Variants in GABRA5 observed in about 807,000 individuals in gnomAD.
GABRA5 encodes gamma-aminobutyric acid receptor subunit alpha-5.
Under a neutral mutation model 47.3 loss-of-function variants are expected in GABRA5, and 18 were observed. The observed-to-expected ratio is 0.38, with a 90% CI of 0.26 to 0.56. GABRA5 has a LOEUF of 0.56. Ranked by LOEUF, GABRA5 falls within the 20% of genes least tolerant of loss-of-function variation. The pLI is 0.71. For synonymous variants in GABRA5, 237 were observed against 229.3 expected, an observed-to-expected ratio of 1.03 and a Z score of -0.30; for missense variants, 365 against 599.3, an observed-to-expected ratio of 0.61 and a Z score of 4.08.
Position 26,880,865 on chromosome 15 carries a change from A to C in GABRA5, c.106A>C (p.Ser36Arg), listed in dbSNP as rs1248394915. 6.2e-7 allele frequency: 1 copy of C among 1,613,808 alleles called. No homozygotes were observed. The highest frequency in any genetic ancestry group is 1.3e-5 in the African/African-American group (1 of 74,930). The change falls in exon 4 of 11, where the codon AGT becomes CGT. Residue 36 changes from serine to arginine, a missense_variant. This residue lies in a region of GABRA5 where 216 missense variants were observed against 335.3 expected (regional missense o/e 0.64). Coordinates refer to ENST00000335625, the MANE Select transcript of GABRA5 (RefSeq NM_000810.4). Reference sequence around the variant, plus strand: ...TAAAAGCTTTTCACAGATGCCAACCAGTTCAGTGAAAGATGAGACCAATGA... The same window carrying C: ...TAAAAGCTTTTCACAGATGCCAACCCGTTCAGTGAAAGATGAGACCAATGA... ...SHFGFSQMPT[S>R]SVKDETNDNI...
chr15:26,930,983 C>G (rs1172721514), intron 7 of GABRA5, among the ~76,000 whole-genome samples: 1 of 149,998 alleles, frequency 6.7e-6, no homozygotes, highest in African/African-American at 2.5e-5. Context: ...GCAACCTCCA[C>G]CTCCCAGGTT....
At chr15:26,917,138 C>T (rs1368755389) in intron 7 of GABRA5, among the ~76,000 whole-genome samples, 1 of 151,976 alleles carries the variant, frequency 6.6e-6, no homozygotes, top group Non-Finnish European at 1.5e-5. Flanking sequence ...GGGTGGGTAT[C>T]TTTGCTTTGT....
At chr15:26,921,851 A>T (rs371141027) in intron 7 of GABRA5, among the ~76,000 whole-genome samples, 4 of 151,934 alleles carry the variant, frequency 2.6e-5, no homozygotes, top group African/African-American at 7.3e-5. Flanking sequence ...CCTTTGACCC[A>T]CGTATTATTT....
chr15:26,948,135 A>T lies in GABRA5; in HGVS notation c.1291A>T (p.Ile431Phe), dbSNP rs770907691. Residue 431 changes from isoleucine (I) to phenylalanine (F), a missense_variant, in exon 11 of 11, where the codon ATC becomes TTC. By Grantham distance (21) the Ile-to-Phe change is conservative. This residue lies in a region of GABRA5 where 106 missense variants were observed against 130.3 expected (regional missense o/e 0.81). Coordinates refer to ENST00000335625, the MANE Select transcript of GABRA5 (RefSeq NM_000810.4). ...SISKIDKMSR[I>F]VFPVLFGTFN... ...CAGCAAAATTGACAAAATGTCCCGA[A>T]TCGTATTCCCAGTCTTGTTCGGCAC... 1 of 1,613,738 alleles carries T rather than the reference A, an allele frequency of 6.2e-7. No individual in the cohort carries two copies. The highest frequency in any genetic ancestry group is 8.5e-7 in the Non-Finnish European group (1 of 1,179,778).
At chr15:26,942,429 G>A (rs531689904) in intron 9 of GABRA5, among the ~76,000 whole-genome samples, 2 of 152,326 alleles carry the variant, frequency 1.3e-5, no homozygotes, top group South Asian at 4.1e-4. Context: ...ATTTAGATAT[G>A]GCGCTTCTGT....
chr15:26,901,256 C>A (rs1893319493), intron 6 of GABRA5, among the ~76,000 whole-genome samples: 1 of 152,126 alleles, frequency 6.6e-6, no homozygotes. Context: ...AGTAGCTGAA[C>A]CAATTTGCAT....
chr15:26,880,834 T>C lies in GABRA5; in HGVS notation c.87-12T>C, dbSNP rs1161950893. On this transcript the variant is annotated splice_polypyrimidine_tract_variant and intron_variant, in intron 3 of 10. Transcript: ENST00000335625. ...ATGTTTTAACGCTTCCTCTTGTTTC[T>C]CTTTTTAAAAGCTTTTCACAGATGC... is the stretch of plus-strand genomic sequence containing the variant. 6 of 1,612,376 alleles carry C rather than the reference T, an allele frequency of 3.7e-6. No homozygotes were observed. The highest frequency in any genetic ancestry group is 5.1e-6 in the Non-Finnish European group (6 of 1,179,362).
chr15:26,926,332 C>T (rs112460586), intron 7 of GABRA5, among the ~76,000 whole-genome samples: 17 of 152,224 alleles, frequency 1.1e-4, no homozygotes, highest in African/African-American at 3.4e-4. Context: ...TCAAGAATTT[C>T]ATTTTATATT....
Position 26,947,973 on chromosome 15 carries a change from T to C in GABRA5, c.1129T>C (p.Phe377Leu). 1 of 1,592,244 alleles carries C rather than the reference T, an allele frequency of 6.3e-7. No individual in the cohort carries two copies. Among genetic ancestry groups the C allele is most frequent in the Non-Finnish European group, 8.6e-7 (1 of 1,168,674 alleles). Reference protein sequence around the residue: ...EVILNKSTNAFTTGKMSHPPN... With the variant: ...EVILNKSTNALTTGKMSHPPN... The stretch of plus-strand genomic sequence containing the variant: ...CATACTAAATAAGTCAACAAACGCT[T>C]TTACAACTGGGAAGATGTCTCACCC... The change falls in exon 11 of 11, where the codon TTT (phenylalanine) becomes CTT (leucine). Residue 377 changes from phenylalanine (F) to leucine (L), a missense_variant. Phe to Leu is a conservative substitution (Grantham distance 22). Around this residue, in one of 3 missense-constraint regions of GABRA5, gnomAD observed 106 missense variants for 130.3 expected, o/e 0.81. Transcript: ENST00000335625.
chr15:26,875,386 C>A (rs1397921434), intron 3 of GABRA5, among the ~76,000 whole-genome samples: 2 of 152,244 alleles, frequency 1.3e-5, no homozygotes, highest in Non-Finnish European at 2.9e-5. Flanking sequence ...GTTCCAGGTA[C>A]TGAGATGCAC....
chr15:26,913,028 A>G (rs1893635034), intron 6 of GABRA5, among the ~76,000 whole-genome samples: 2 of 152,076 alleles, frequency 1.3e-5, no homozygotes, highest in African/African-American at 2.4e-5. Flanking sequence ...TACTAAAAAT[A>G]CAGAAATTAG....
intron 6 of GABRA5, among the ~76,000 whole-genome samples, chr15:26,894,391 C>G (rs2140272257): frequency 6.6e-6 from 1 of 152,298 alleles, no homozygotes; most frequent in East Asian, 1.9e-4. Flanking sequence ...TCGCGGGCAG[C>G]CAGTGGGTCC....
At chr15:26,886,993 C>T (rs35586628) in intron 6 of GABRA5, among the ~76,000 whole-genome samples, 86,719 of 152,054 alleles carry the variant, frequency 0.57, 24,932 homozygotes, top group Non-Finnish European at 0.58. Context: ...TAGGAATCAC[C>T]AAAGCACGAA....
chr15:26,942,334 T>A (rs1247348541), intron 9 of GABRA5, among the ~76,000 whole-genome samples: 1 of 152,120 alleles, frequency 6.6e-6, no homozygotes, highest in African/African-American at 2.4e-5. Flanking sequence ...CACTGCAAAG[T>A]TTTCCTAGTG....
chr15:26,925,660 C>T (rs1277524628), intron 7 of GABRA5, among the ~76,000 whole-genome samples: 2 of 152,084 alleles, frequency 1.3e-5, no homozygotes, highest in African/African-American at 4.8e-5. Context: ...GCACTGATTG[C>T]GTTTTCTCTT....
chr15:26,906,506 C>A (rs551466053), intron 6 of GABRA5, among the ~76,000 whole-genome samples: 1 of 152,158 alleles, frequency 6.6e-6, no homozygotes, highest in African/African-American at 2.4e-5. Context: ...TGGGCATGCA[C>A]GTGACCTCTT....
intron 6 of GABRA5, among the ~76,000 whole-genome samples, chr15:26,891,667 A>G (rs1332877202): frequency 6.6e-6 from 1 of 152,204 alleles, no homozygotes; most frequent in Non-Finnish European, 1.5e-5. Context: ...AGTGTTCCTG[A>G]GCCTCTTGGC....
At chr15:26,943,907 A>G (rs1050280782) in intron 10 of GABRA5, among the ~76,000 whole-genome samples, 1 of 152,190 alleles carries the variant, frequency 6.6e-6, no homozygotes, top group Non-Finnish European at 1.5e-5. Context: ...TACTCTGTTC[A>G]AAGCAAAGAA....
chr15:26,931,265 T>C (rs61999606), intron 7 of GABRA5, among the ~76,000 whole-genome samples: 28,352 of 152,160 alleles, frequency 0.19, 3,524 homozygotes, highest in Non-Finnish European at 0.25. Flanking sequence ...AGCTCATACA[T>C]AACAGGAATG....
Sources: allele counts gnomAD v4.1 joint callset (sites outside exome capture counted in the v4.1 genomes callset), GRCh38; gene constraint gnomAD v4.1.1; regional missense constraint gnomAD v4.1.1; transcripts MANE v1.5; gene names NCBI Gene and HGNC (gene_info 2026-07-23, HGNC 2026-07-21).